The following RAD51B variants were observed in gnomAD, a reference collection of about 807,000 sequenced individuals.
The protein encoded by RAD51B is DNA repair protein RAD51 homolog 2.
RAD51B carries 38 observed loss-of-function variants against 42.2 expected under a neutral mutation model. The observed-to-expected ratio is 0.90, with a 90% confidence interval of 0.70 to 1.18. The LOEUF (loss-of-function observed/expected upper bound fraction) is 1.18, where lower values mean the gene tolerates loss of function less well. Among genes scored for constraint, RAD51B ranks in the 50% most tolerant of loss-of-function variants. RAD51B has a pLI of 0.00. For missense variants in RAD51B, 373 were observed against 400.7 expected (o/e 0.93, Z 0.59); for synonymous variants, 154 against 145.2 (o/e 1.06, Z -0.43).
downstream of RAD51B, among the ~76,000 whole-genome samples, chr14:68,600,713 C>G (rs114949214): frequency 1.9e-4 from 29 of 152,252 alleles, no homozygotes; most frequent in Admixed American, 5.9e-4. Flanking sequence ...TTTATAAAGG[C>G]CTTTGTCCAG....
intron 4 of RAD51B, among the ~76,000 whole-genome samples, chr14:67,857,331 C>A (rs1280396319): frequency 6.6e-6 from 1 of 152,124 alleles, no homozygotes; most frequent in Non-Finnish European, 1.5e-5. Context: ...AATCCAAACT[C>A]AACAAACAAA....
chr14:68,339,771 T>C (rs1028332403), intron 8 of RAD51B, among the ~76,000 whole-genome samples: 24 of 152,300 alleles, frequency 1.6e-4, no homozygotes, highest in African/African-American at 5.8e-4. Context: ...AGTCTAAATG[T>C]TGAGAAAATT....
At chr14:68,307,332 C>T (rs190592180) in intron 8 of RAD51B, among the ~76,000 whole-genome samples, 1 of 152,250 alleles carries the variant, frequency 6.6e-6, no homozygotes, top group East Asian at 1.9e-4. Flanking sequence ...AATTATATGT[C>T]AGAGAAAAGG....
chr14:67,863,871 C>T (rs1054894416), intron 4 of RAD51B, among the ~76,000 whole-genome samples: 3 of 152,068 alleles, frequency 2.0e-5, no homozygotes, highest in East Asian at 1.9e-4. Context: ...GAGGTGTAAT[C>T]GACTCACAGT....
At chr14:68,592,798 C>G (rs929579347) in intron 10 of RAD51B, among the ~76,000 whole-genome samples, 1 of 152,232 alleles carries the variant, frequency 6.6e-6, no homozygotes, top group African/African-American at 2.4e-5. Context: ...CATTGATTCC[C>G]TTCGGCAAAT....
intron 8 of RAD51B, among the ~76,000 whole-genome samples, chr14:68,399,316 G>A (rs2084021088): frequency 6.8e-6 from 1 of 147,570 alleles, no homozygotes; most frequent in Non-Finnish European, 1.5e-5. Context: ...GAGTGCAGTG[G>A]CGCAATCTCG....
chr14:68,112,092 G>T (rs1218155422), intron 7 of RAD51B, among the ~76,000 whole-genome samples: 1 of 152,030 alleles, frequency 6.6e-6, no homozygotes, highest in East Asian at 1.9e-4. Flanking sequence ...TACCTTTAAA[G>T]GAATTTTTAA....
At chr14:68,372,848 A>G (rs1040467799) in intron 8 of RAD51B, among the ~76,000 whole-genome samples, 1 of 152,252 alleles carries the variant, frequency 6.6e-6, no homozygotes, top group Admixed American at 6.5e-5. Context: ...AGAGAACATA[A>G]TACATAAATA....
Position 68,514,620 on chromosome 14 carries a change from C to A in RAD51B, c.1036+46370C>A, listed in dbSNP as rs185406429. ...AGCCTCGAATCAGTCTTCCATTTTC[C>A]ACTTGGGGTTTTTGTTGTTGCTTAA... On this transcript the variant is annotated intron_variant, in intron 10 of 10. Coordinates refer to the RAD51B transcript ENST00000487270. Among the ~76,000 whole-genome samples, 468 of 152,186 alleles carry A rather than the reference C, an allele frequency of 3.1e-3. 5 individuals carry two copies. The highest frequency in any genetic ancestry group is 0.01 in the African/African-American group (435 of 41,522).
At chr14:67,857,344 C>T (rs897622677) in intron 4 of RAD51B, among the ~76,000 whole-genome samples, 19 of 152,224 alleles carry the variant, frequency 1.2e-4, no homozygotes, top group African/African-American at 3.4e-4. Context: ...CAAACAAACC[C>T]AGAAATCTCT....
chr14:68,338,686 A>G (rs897525829), intron 8 of RAD51B: 5 of 261,830 alleles, frequency 1.9e-5, no homozygotes, highest in Non-Finnish European at 3.8e-5. Context: ...ATTTTGTATT[A>G]TTTTAATTAT....
intron 7 of RAD51B, among the ~76,000 whole-genome samples, chr14:68,145,322 T>G (rs893472933): frequency 1.3e-5 from 2 of 152,222 alleles, no homozygotes; most frequent in African/African-American, 2.4e-5. Context: ...GCACAGGCTT[T>G]GGAGCTGGAT....
intron 7 of RAD51B, among the ~76,000 whole-genome samples, chr14:68,156,063 G>C (rs2078497709): frequency 6.6e-6 from 1 of 152,136 alleles, no homozygotes; most frequent in Non-Finnish European, 1.5e-5. Flanking sequence ...CTGTTGAATT[G>C]GAATAGAACA....
intron 7 of RAD51B, among the ~76,000 whole-genome samples, chr14:68,079,444 A>G (rs2076881405): frequency 6.6e-6 from 1 of 152,214 alleles, no homozygotes; most frequent in South Asian, 2.1e-4. Context: ...GCTCTACTTG[A>G]CAGTATTTAG....
chr14:67,887,233 TTTTCC>T (rs1466570098), intron 7 of RAD51B, 29 bp downstream of exon 7: 2 of 1,523,372 alleles, frequency 1.3e-6, no homozygotes, highest in Non-Finnish European at 1.8e-6. Context: ...CTCTTTTTTC[TTTTCC>T]TTTCTTTTGT....
chr14:68,249,647 T>G (rs995039316), intron 7 of RAD51B, among the ~76,000 whole-genome samples: 1 of 152,230 alleles, frequency 6.6e-6, no homozygotes, highest in Non-Finnish European at 1.5e-5. Context: ...CCTCACCACT[T>G]TCCGACTGGG....
Position 68,674,200 on chromosome 14 carries a change from CAT to C in RAD51B, c.*11+23348_*11+23349del, listed in dbSNP as rs758921918. ...TATACACATATACATCACATACACA[CAT>C]ATACATACATATATACGTGTACACA... On this transcript the variant is annotated intron_variant, in intron 11 of 11. Coordinates refer to the RAD51B transcript ENST00000488612. 1.1e-4 allele frequency among the ~76,000 whole-genome samples: 17 copies of C among 152,048 alleles called. 1 individual carries two copies. Among genetic ancestry groups the C allele is most frequent in the Admixed American group, 5.2e-4 (8 of 15,280 alleles).
intron 7 of RAD51B, among the ~76,000 whole-genome samples, chr14:68,091,641 T>A (rs2077101386): frequency 6.6e-6 from 1 of 152,236 alleles, no homozygotes; most frequent in Non-Finnish European, 1.5e-5. Flanking sequence ...TCTCCCATTC[T>A]GTGGGTTGCC....
At chr14:68,390,806 C>A (rs1430646190) in intron 8 of RAD51B, among the ~76,000 whole-genome samples, 2 of 152,202 alleles carry the variant, frequency 1.3e-5, no homozygotes, top group Non-Finnish European at 2.9e-5. Context: ...TAGTGTTTCA[C>A]CAACTACTCA....
Sources: allele counts gnomAD v4.1 joint callset (sites outside exome capture counted in the v4.1 genomes callset), GRCh38; gene constraint gnomAD v4.1.1; transcripts MANE v1.5; gene names NCBI Gene and HGNC (gene_info 2026-07-23, HGNC 2026-07-21).